WDR36: variants seen among roughly 807,000 people sequenced by gnomAD.
The protein encoded by WDR36 is WD repeat domain 36, also known as WD repeat-containing protein 36.
In WDR36, 63 loss-of-function variants were observed where a neutral mutation model predicts 112.7. The observed-to-expected ratio is 0.56, with a 90% CI of 0.46 to 0.69. The LOEUF (loss-of-function observed/expected upper bound fraction) is 0.69. Among genes scored for constraint, WDR36 ranks in the 30% least tolerant of loss-of-function variants. The probability of loss-of-function intolerance (pLI) is 0.00; values close to 1 mark genes in which losing one functional copy is unlikely to be tolerated. For synonymous variants in WDR36, 410 were observed against 362.2 expected, an observed-to-expected ratio of 1.13 and a Z score of -1.50; for missense variants, 1,226 against 1,070.3, an observed-to-expected ratio of 1.15 and a Z score of -2.03.
At chr5:111,121,684 C>T (rs1035505505) in intron 19 of WDR36, among the ~76,000 whole-genome samples, 6 of 152,104 alleles carry the variant, frequency 3.9e-5, no homozygotes, top group African/African-American at 1.4e-4. Flanking sequence ...GAAGAAAAAA[C>T]AGCCCCTTTG....
chr5:111,118,295 A>T (rs1753497251), intron 16 of WDR36, among the ~76,000 whole-genome samples: 1 of 152,136 alleles, frequency 6.6e-6, no homozygotes, highest in Non-Finnish European at 1.5e-5. Flanking sequence ...ACCAATATCC[A>T]TTGAAATCCT....
Position 111,097,096 on chromosome 5 carries a change from G to A in WDR36, c.208G>A (p.Asp70Asn), listed in dbSNP as rs115541547. 1,826 of 1,612,956 alleles carry A rather than the reference G, an allele frequency of 1.1e-3. 1 individual carries two copies. The highest frequency in any genetic ancestry group is 1.5e-3 in the Non-Finnish European group (1,753 of 1,179,220). ...TCTGCTAGGTAATTCTGTTCCACAG[G>A]ATATCTGCTGTATGGCAGCTGATGG... ...LVAVSNSVPQDICCMAADGRL... is the reference protein window; with the variant it reads ...LVAVSNSVPQNICCMAADGRL... The change falls in exon 3 of 23, where the codon GAT becomes AAT. Residue 70 changes from aspartate to asparagine, a missense_variant. By Grantham distance (23) the Asp-to-Asn change is conservative. Coordinates refer to ENST00000513710, the MANE Select transcript of WDR36 (RefSeq NM_139281.3).
rs1297931151 is a variant in WDR36 at position 111,092,631 on chromosome 5, T to C, written c.162+13T>C. 1.2e-6 allele frequency: 2 copies of C among 1,609,010 alleles called. No individual in the cohort carries two copies. The highest frequency in any genetic ancestry group is 1.7e-6 in the Non-Finnish European group (2 of 1,179,200). On this transcript the variant is annotated intron_variant, in intron 1 of 22. Transcript: ENST00000513710. Reference sequence around the variant, plus strand: ...CCACACCTATGACGTGAGTGACTTCTTTTGTTAGCTTCCCAGGAAAACCAC... The same window carrying C: ...CCACACCTATGACGTGAGTGACTTCCTTTGTTAGCTTCCCAGGAAAACCAC...
chr5:111,113,052 A>ATATATATATTTT (rs35527062), intron 15 of WDR36, 22 bp from the exon 16 acceptor site: 7 of 473,634 alleles, frequency 1.5e-5, no homozygotes, highest in Admixed American at 1.4e-4. Context: ...ATATATATAT[A>ATATATATATTTT]TTTTTTTTTT....
In WDR36 at chr5:111,130,071, A is replaced by T. The variant is rs949747267; in HGVS notation, c.*3188A>T. 1 of 210,862 alleles carries T rather than the reference A, an allele frequency of 4.7e-6. No homozygotes were observed. Among genetic ancestry groups the T allele is most frequent in the Non-Finnish European group, 9.6e-6 (1 of 103,836 alleles). 13.1% of individuals were successfully genotyped at this position (210,862 alleles called of 1,614,324 possible). A position where few individuals can be genotyped will look rare whatever the true frequency, so the allele number is the denominator to read the frequency against. ...TTGGGTAAAGCCTTCCTCATGTTCT[A>T]TAAAAATTGGTTAACTGCTGGTGAG... On this transcript the variant is annotated 3_prime_UTR_variant, in exon 23 of 23. Transcript: ENST00000513710.
chr5:111,094,032 GA>G (rs143062290), intron 1 of WDR36, among the ~76,000 whole-genome samples: 1,768 of 148,750 alleles, frequency 0.012, 38 homozygotes, highest in African/African-American at 0.041. Flanking sequence ...GGAGTAAAAA[GA>G]AAAAAAAAAG....
At chr5:111,107,149 T>C in intron 11 of WDR36, 145 bp from the exon 12 acceptor site, 1 of 917,526 alleles carries the variant, frequency 1.1e-6, no homozygotes, top group Non-Finnish European at 1.6e-6. Flanking sequence ...TAATCTCTTG[T>C]TAGATTGGAA....
chr5:111,111,046 A>G, intron 14 of WDR36, 93 bp downstream of exon 14: 2 of 1,555,822 alleles, frequency 1.3e-6, no homozygotes, highest in Non-Finnish European at 1.8e-6. Context: ...CAGACTCTTT[A>G]ATAAAGAACA....
chr5:111,125,857 A>G (rs1753670399), intron 22 of WDR36, 62 bp downstream of exon 22: 2 of 1,587,614 alleles, frequency 1.3e-6, no homozygotes, highest in Non-Finnish European at 1.7e-6. Context: ...GCTATCTAAC[A>G]GAACTTTCTG....
At chr5:111,116,017 A>G (rs1372593999) in intron 16 of WDR36, among the ~76,000 whole-genome samples, 1 of 151,668 alleles carries the variant, frequency 6.6e-6, no homozygotes, top group Non-Finnish European at 1.5e-5. Context: ...ATCTCGGCTC[A>G]GTGCAACCAC....
rs765156458 is a variant in WDR36, at chr5:111,123,957, C to T, written c.2268+33C>T. 1.9e-5 allele frequency: 30 copies of T among 1,612,338 alleles called. 1 individual carries two copies. The Middle Eastern group carries it at 4.9e-4, about 27-fold the overall frequency. On this transcript the variant is annotated intron_variant, in intron 20 of 22. Coordinates refer to ENST00000513710, the MANE Select transcript of WDR36 (RefSeq NM_139281.3). ...ACAAATTAGAAGATTCTAAGTATAT[C>T]GGTGTATGTTTGTATGTGTTTTCTG...
chr5:111,094,570 T>C (rs1267877838), intron 1 of WDR36, among the ~76,000 whole-genome samples: 1 of 152,218 alleles, frequency 6.6e-6, no homozygotes, highest in African/African-American at 2.4e-5. Flanking sequence ...GATAAAAGTT[T>C]AATATACCCA....
At chr5:111,112,389 C>T (rs72778304) in intron 15 of WDR36, among the ~76,000 whole-genome samples, 2 of 151,976 alleles carry the variant, frequency 1.3e-5, no homozygotes, top group Admixed American at 6.6e-5. Flanking sequence ...GATTTGAGTT[C>T]CCATTGTATT....
intron 16 of WDR36, among the ~76,000 whole-genome samples, chr5:111,118,451 T>C (rs1488978706): frequency 2.6e-5 from 4 of 152,218 alleles, no homozygotes; most frequent in African/African-American, 9.6e-5. Context: ...TTTCCATAAA[T>C]TGCTTTATGG....
At chr5:111,108,553 G>A (rs1753264388) in intron 12 of WDR36, among the ~76,000 whole-genome samples, 1 of 151,276 alleles carries the variant, frequency 6.6e-6, no homozygotes, top group Non-Finnish European at 1.5e-5. Flanking sequence ...CGCTCCCGTA[G>A]GGACATTTAC....
intron 2 of WDR36, among the ~76,000 whole-genome samples, chr5:111,096,705 CA>C (rs990564760): frequency 6.8e-6 from 1 of 146,970 alleles, no homozygotes; most frequent in Non-Finnish European, 1.5e-5. Flanking sequence ...CTCCGTCTCT[CA>C]AAAAAAAGAA....
At chr5:111,120,828 G>C (rs1363242651) in intron 18 of WDR36, among the ~76,000 whole-genome samples, 168 bp from the exon 19 acceptor site, 2 of 152,106 alleles carry the variant, frequency 1.3e-5, no homozygotes, top group Admixed American at 1.3e-4. Flanking sequence ...GGGAGTTTTA[G>C]TTAATATGAG....
chr5:111,121,084 T>G lies in WDR36; in HGVS notation c.2091T>G (p.Thr697=), dbSNP rs1342099972. Residue 697 remains threonine, a synonymous_variant, in exon 19 of 23, where the codon ACT becomes ACG. Coordinates refer to ENST00000513710, the MANE Select transcript of WDR36 (RefSeq NM_139281.3). ...SPEQLNEQLV[T]LSLLPESRWK... is the part of the protein sequence containing the mutation. ...AACAGTTGAATGAGCAATTGGTGACTCTTTCACTTCTTCCTGAATCACGAT... is the reference window on the plus strand; with the variant it reads ...AACAGTTGAATGAGCAATTGGTGACGCTTTCACTTCTTCCTGAATCACGAT... 1 of 1,613,674 alleles carries G rather than the reference T, an allele frequency of 6.2e-7. No homozygotes were observed.
At chr5:111,125,461 T>A (rs1411742436) in intron 21 of WDR36, 147 bp from the exon 22 acceptor site, 11 of 775,298 alleles carry the variant, frequency 1.4e-5, no homozygotes, top group Non-Finnish European at 6.0e-6. Context: ...TGGGTTTCAT[T>A]CTACTACATA....
Sources: gnomAD v4.1 joint callset for allele counts (sites outside exome capture counted in the v4.1 genomes callset) on GRCh38, gnomAD v4.1.1 for gene constraint, MANE v1.5 for transcripts, NCBI Gene and HGNC (gene_info 2026-07-23, HGNC 2026-07-21) for gene names.